The following ERBIN variants were observed in gnomAD, a reference collection of about 807,000 sequenced individuals.
ERBIN encodes the protein erbb2 interacting protein.
In ERBIN, 60 loss-of-function variants were observed where a neutral mutation model predicts 158.4. That is an observed-to-expected ratio of 0.38 (90% confidence interval 0.31 to 0.47). The LOEUF (loss-of-function observed/expected upper bound fraction) is 0.47, where lower values mean the gene tolerates loss of function less well. Among genes scored for constraint, ERBIN ranks in the 20% least tolerant of loss-of-function variants. The pLI is 0.99. For missense variants in ERBIN, 1,610 were observed against 1,648.0 expected (o/e 0.98, Z 0.40); for synonymous variants, 594 against 557.2 (o/e 1.07, Z -0.93).
chr5:66,043,730 A>G (rs1019332814), intron 16 of ERBIN, among the ~76,000 whole-genome samples: 3 of 152,324 alleles, frequency 2.0e-5, no homozygotes, highest in Admixed American at 2.0e-4. Flanking sequence ...GCTGAATCTC[A>G]GAAAATGACA....
intron 1 of ERBIN, among the ~76,000 whole-genome samples, chr5:65,970,810 G>A (rs892856178): frequency 4.6e-5 from 7 of 151,908 alleles, no homozygotes; most frequent in Admixed American, 2.6e-4. Context: ...GCCCAGGCTG[G>A]TCTTAAACTC....
chr5:65,992,613 A>T (rs986960295), intron 2 of ERBIN, 97 bp from the exon 3 acceptor site: 6 of 875,080 alleles, frequency 6.9e-6, no homozygotes, highest in South Asian at 5.8e-5. Context: ...AGAAGTGTTT[A>T]TCTGTGACAT....
chr5:65,955,027 T>C (rs984044170), intron 1 of ERBIN, among the ~76,000 whole-genome samples: 1 of 151,862 alleles, frequency 6.6e-6, no homozygotes, highest in African/African-American at 2.4e-5. Flanking sequence ...ATTGCCCCAC[T>C]TGCACTCCAG....
intron 5 of ERBIN, 66 bp from the exon 6 acceptor site, chr5:66,013,483 C>T: frequency 8.8e-7 from 1 of 1,131,960 alleles, no homozygotes; most frequent in Non-Finnish European, 1.3e-6. Context: ...TTGTGAGAGT[C>T]TTAGATTTTA....
Position 66,012,047 on chromosome 5 carries a change from AG to A in ERBIN, c.308del. The A allele has an allele frequency of 6.3e-7, 1 of 1,578,362 alleles. No homozygotes were observed. The highest frequency in any genetic ancestry group is 8.7e-7 in the Non-Finnish European group (1 of 1,154,600). On this transcript the variant is annotated splice_acceptor_variant, in intron 4 of 25. Transcript: ENST00000284037. LOFTEE classifies it high-confidence loss of function. ...TTAATTTGATCGTTGTTTGTTTTCT[AG>A]GAATACAGGAGTTTCCAGAAAATAT...
chr5:66,007,784 A>G (rs1292470992), intron 4 of ERBIN, among the ~76,000 whole-genome samples: 1 of 152,230 alleles, frequency 6.6e-6, no homozygotes, highest in African/African-American at 2.4e-5. Flanking sequence ...CTTTGAAGAT[A>G]GGTAATTTCA....
chr5:65,953,163 G>C (rs1401695866), intron 1 of ERBIN, among the ~76,000 whole-genome samples: 1 of 152,146 alleles, frequency 6.6e-6, no homozygotes, highest in Non-Finnish European at 1.5e-5. Flanking sequence ...TATTTGGGCA[G>C]ACCTGTATAG....
intron 1 of ERBIN, among the ~76,000 whole-genome samples, chr5:65,955,737 T>C (rs1204857087): frequency 6.6e-6 from 1 of 152,260 alleles, no homozygotes; most frequent in Non-Finnish European, 1.5e-5. Context: ...TAGAATTCAG[T>C]GACAACTACA....
chr5:66,015,075 A>T (rs1754570851), intron 7 of ERBIN, among the ~76,000 whole-genome samples: 1 of 152,174 alleles, frequency 6.6e-6, no homozygotes, highest in African/African-American at 2.4e-5. Context: ...CATTAGAAAG[A>T]TCCATAGGAT....
chr5:65,962,732 A>G (rs1748061173), intron 1 of ERBIN, among the ~76,000 whole-genome samples: 1 of 152,198 alleles, frequency 6.6e-6, no homozygotes, highest in Non-Finnish European at 1.5e-5. Context: ...TGAACTGGCA[A>G]AATTATTTTT....
intron 1 of ERBIN, among the ~76,000 whole-genome samples, chr5:65,971,713 G>T (rs1335039502): frequency 6.6e-6 from 1 of 152,112 alleles, no homozygotes; most frequent in Admixed American, 6.5e-5. Context: ...ATGGTAGAAG[G>T]CGGCAGCTCC....
At chr5:65,980,794 G>A (rs529557002) in intron 1 of ERBIN, among the ~76,000 whole-genome samples, 2 of 151,972 alleles carry the variant, frequency 1.3e-5, no homozygotes, top group African/African-American at 2.4e-5. Context: ...TCTATTCACT[G>A]TATAATGAAT....
intron 1 of ERBIN, among the ~76,000 whole-genome samples, chr5:65,948,122 A>G (rs1746022756): frequency 6.6e-6 from 1 of 151,972 alleles, no homozygotes; most frequent in Middle Eastern, 3.4e-3. Flanking sequence ...CACGTATTCT[A>G]TAGCTGTCAA....
At chr5:66,066,385 C>T (rs918020475) in intron 21 of ERBIN, among the ~76,000 whole-genome samples, 5 of 151,860 alleles carry the variant, frequency 3.3e-5, no homozygotes, top group South Asian at 2.1e-4. Context: ...CAGTGCCTGC[C>T]CTACCTCATG....
At chr5:66,064,826 G>A (rs1197329133) in intron 21 of ERBIN, among the ~76,000 whole-genome samples, 1 of 152,172 alleles carries the variant, frequency 6.6e-6, no homozygotes, top group East Asian at 1.9e-4. Context: ...GGTAGCCAAG[G>A]TTTCTGATTT....
chr5:66,044,334 C>T, intron 17 of ERBIN, 24 bp downstream of exon 17: 4 of 1,562,930 alleles, frequency 2.6e-6, no homozygotes, highest in Non-Finnish European at 3.4e-6. Flanking sequence ...AAAGGATTAA[C>T]CAAAGCCTAT....
chr5:66,056,697 A>T (rs1759616676), intron 21 of ERBIN, among the ~76,000 whole-genome samples: 1 of 152,156 alleles, frequency 6.6e-6, no homozygotes, highest in African/African-American at 2.4e-5. Context: ...GAGAAAAGAA[A>T]CAGGGCAAAC....
chr5:65,996,570 T>G (rs1752466080), intron 4 of ERBIN, among the ~76,000 whole-genome samples: 2 of 152,198 alleles, frequency 1.3e-5, no homozygotes, highest in Admixed American at 6.6e-5. Context: ...TCGGGTGTGA[T>G]GCCTGCCGTT....
chr5:66,026,013 T>C (rs370264938), intron 12 of ERBIN, 36 bp downstream of exon 12: 29 of 1,528,300 alleles, frequency 1.9e-5, no homozygotes, highest in Non-Finnish European at 2.6e-6. Flanking sequence ...TTTTTGTCTT[T>C]TCATTTTTTT....
Sources: allele counts gnomAD v4.1 joint callset (sites outside exome capture counted in the v4.1 genomes callset), GRCh38; gene constraint gnomAD v4.1.1; transcripts MANE v1.5; gene names NCBI Gene and HGNC (gene_info 2026-07-23, HGNC 2026-07-21).